Variants in KDM4C observed in about 807,000 individuals in gnomAD.
KDM4C encodes lysine demethylase 4C.
A neutral mutation model predicts 129.3 loss-of-function variants in KDM4C; 81 were observed. That is an observed-to-expected ratio of 0.63 (90% CI 0.52 to 0.75). The LOEUF is 0.75. Ranked by LOEUF, KDM4C falls within the 30% of genes least tolerant of loss-of-function variation. The pLI, the probability that KDM4C is intolerant of heterozygous loss-of-function variation, is 0.00. For missense variants in KDM4C, 1,457 were observed against 1,304.0 expected, an observed-to-expected ratio of 1.12 and a Z score of -1.81; for synonymous variants, 573 against 456.1, an observed-to-expected ratio of 1.26 and a Z score of -3.26.
intron 18 of KDM4C, among the ~76,000 whole-genome samples, chr9:7,116,996 A>G (rs1020969689): frequency 6.6e-6 from 1 of 152,206 alleles, no homozygotes; most frequent in Admixed American, 6.5e-5. Context: ...AGTTACACGT[A>G]GTACATTATG....
At chr9:6,949,799 C>T (rs984894519) in intron 8 of KDM4C, among the ~76,000 whole-genome samples, 2 of 152,166 alleles carry the variant, frequency 1.3e-5, no homozygotes, top group Non-Finnish European at 2.9e-5. Context: ...GCAGTACAGT[C>T]CAGCTTCGGC....
chr9:6,877,048 C>A (rs967458556), intron 5 of KDM4C, among the ~76,000 whole-genome samples: 1 of 152,088 alleles, frequency 6.6e-6, no homozygotes, highest in Non-Finnish European at 1.5e-5. Flanking sequence ...AGCTAGGGAG[C>A]TTTTTTCAGG....
At chr9:6,864,886 T>C (rs1041731722) in intron 5 of KDM4C, among the ~76,000 whole-genome samples, 18 of 152,008 alleles carry the variant, frequency 1.2e-4, no homozygotes, top group Non-Finnish European at 2.4e-4. Flanking sequence ...TTTCCTCTGC[T>C]TGATCAATTC....
At chr9:7,138,945 A>G (rs1471152312) in intron 19 of KDM4C, among the ~76,000 whole-genome samples, 1 of 152,194 alleles carries the variant, frequency 6.6e-6, no homozygotes, top group African/African-American at 2.4e-5. Flanking sequence ...ATGTTTTTAA[A>G]ACATGCTAGA....
intron 12 of KDM4C, among the ~76,000 whole-genome samples, chr9:6,993,225 C>A (rs976732819): frequency 1.3e-5 from 2 of 152,070 alleles, no homozygotes; most frequent in African/African-American, 4.8e-5. Context: ...TAGAATGTAT[C>A]TTTACATAAA....
chr9:6,933,737 G>A (rs530076607), intron 8 of KDM4C, among the ~76,000 whole-genome samples: 2 of 152,210 alleles, frequency 1.3e-5, no homozygotes, highest in Admixed American at 6.5e-5. Flanking sequence ...AGAACATGGA[G>A]GTTTGGCAAT....
At chr9:6,860,852 G>A (rs192906218) in intron 5 of KDM4C, among the ~76,000 whole-genome samples, 104 of 152,192 alleles carry the variant, frequency 6.8e-4, no homozygotes, top group African/African-American at 2.5e-3. Flanking sequence ...GAGATTGTCT[G>A]GGCTCCTTGC....
chr9:6,944,404 A>G (rs4740863), intron 8 of KDM4C, among the ~76,000 whole-genome samples: 44,798 of 152,124 alleles, frequency 0.29, 7,799 homozygotes, highest in East Asian at 0.57. Flanking sequence ...TAATAGTTTG[A>G]GTACATTGTT....
intron 5 of KDM4C, among the ~76,000 whole-genome samples, chr9:6,876,578 C>G (rs990749605): frequency 2.0e-5 from 3 of 152,204 alleles, no homozygotes; most frequent in African/African-American, 4.8e-5. Context: ...CTTTCTTTCT[C>G]TCTCTTCTCA....
chr9:7,004,447 A>G (rs997268128), intron 12 of KDM4C, among the ~76,000 whole-genome samples: 1 of 152,166 alleles, frequency 6.6e-6, no homozygotes, highest in African/African-American at 2.4e-5. Context: ...AATGTTCCCT[A>G]TACATGGTTT....
At chr9:7,047,422 G>C (rs1022594817) in intron 16 of KDM4C, among the ~76,000 whole-genome samples, 2 of 149,558 alleles carry the variant, frequency 1.3e-5, no homozygotes, top group Non-Finnish European at 3.0e-5. Flanking sequence ...AGATTTAAAG[G>C]GATCAGGTGG....
chr9:6,903,386 A>G (rs1817732428), intron 8 of KDM4C, among the ~76,000 whole-genome samples: 1 of 152,206 alleles, frequency 6.6e-6, no homozygotes, highest in African/African-American at 2.4e-5. Context: ...AGTAAAGATA[A>G]TAAGAAAATG....
intron 4 of KDM4C, among the ~76,000 whole-genome samples, chr9:6,818,476 G>T (rs1472066204): frequency 6.6e-6 from 1 of 152,240 alleles, no homozygotes; most frequent in African/African-American, 2.4e-5. Flanking sequence ...GGCTCAGAGA[G>T]AGGCCAAGAG....
intron 17 of KDM4C, among the ~76,000 whole-genome samples, chr9:7,102,897 A>G (rs1345201546): frequency 6.6e-6 from 1 of 152,186 alleles, no homozygotes. Context: ...CACAACTTAC[A>G]TTTAGTGAAG....
chr9:6,904,200 C>G (rs1817893950), intron 8 of KDM4C, among the ~76,000 whole-genome samples: 1 of 151,950 alleles, frequency 6.6e-6, no homozygotes, highest in South Asian at 2.1e-4. Context: ...CATTGTGCCA[C>G]TGCACTCCAG....
At chr9:6,868,655 A>C (rs555619211) in intron 5 of KDM4C, among the ~76,000 whole-genome samples, 12 of 152,210 alleles carry the variant, frequency 7.9e-5, no homozygotes, top group Non-Finnish European at 1.3e-4. Flanking sequence ...CTGACCAGAG[A>C]AACAGTTTGT....
intron 19 of KDM4C, among the ~76,000 whole-genome samples, chr9:7,136,527 G>C (rs1036393790): frequency 6.6e-6 from 1 of 152,190 alleles, no homozygotes; most frequent in Admixed American, 6.5e-5. Context: ...CCATTGTAGT[G>C]GATGTATAGT....
At chr9:7,068,041 C>T (rs1429148915) in intron 17 of KDM4C, among the ~76,000 whole-genome samples, 2 of 152,150 alleles carry the variant, frequency 1.3e-5, no homozygotes, top group Non-Finnish European at 2.9e-5. Context: ...CGTGATCCAC[C>T]CGCCTCGGCC....
chr9:6,757,661 C>G (rs1250580526), upstream of KDM4C: 1 of 985,526 alleles, frequency 1.0e-6, no homozygotes, highest in South Asian at 4.7e-5. Context: ...CGCGTCGGCG[C>G]CCAGGAGGAC....
Sources: allele counts gnomAD v4.1 joint callset (sites outside exome capture counted in the v4.1 genomes callset), GRCh38; gene constraint gnomAD v4.1.1; transcripts MANE v1.5; gene names NCBI Gene and HGNC (gene_info 2026-07-23, HGNC 2026-07-21).